The following OR11A1 variants were observed in gnomAD, a reference collection of about 807,000 sequenced individuals.
OR11A1 encodes olfactory receptor 11A1.
For synonymous variants in OR11A1, 158 were observed against 152.2 expected (o/e 1.04, Z -0.28); for missense variants, 380 against 378.2 (o/e 1.00, Z -0.04).
rs376564471 is a variant in OR11A1 at position 29,429,215 on chromosome 6, T to G, written c.-139-255A>C. Among the ~76,000 whole-genome samples, 58 of 152,318 alleles carry G rather than the reference T, an allele frequency of 3.8e-4. 1 individual carries two copies. The South Asian group carries it at 9.7e-3, about 26-fold the overall frequency. On this transcript the variant is annotated intron_variant, in intron 3 of 4. Transcript: ENST00000377149. ...CTCAGGGACCACAGTGCTGGGAGCC[T>G]TCACGGCACACTGTTTTGTAGTTTT...
In OR11A1 at chr6:29,448,022, T is replaced by C. The variant is rs973903663; in HGVS notation, c.-389+8965A>G. Among the ~76,000 whole-genome samples the C allele has an allele frequency of 3.1e-3, 442 of 142,520 alleles. 3 individuals carry two copies. Among genetic ancestry groups the C allele is most frequent in the African/African-American group, 0.011 (413 of 38,314 alleles). 93.5% of individuals were successfully genotyped at this position (142,520 alleles called of 152,430 possible). On this transcript the variant is annotated intron_variant, in intron 1 of 4. Transcript: ENST00000377149. ...AACATGACCCTTTCTTTTTTTTTTT[T>C]TTTTTTTTTTTTGAGAAGGAGTCTA...
intron 1 of OR11A1, among the ~76,000 whole-genome samples, chr6:29,435,754 C>G (rs2151374129): frequency 6.6e-6 from 1 of 152,248 alleles, no homozygotes; most frequent in East Asian, 1.9e-4. Flanking sequence ...CATAGTCTTA[C>G]CATTTAGATT....
intron 1 of OR11A1, among the ~76,000 whole-genome samples, chr6:29,435,501 C>T (rs1453101461): frequency 6.6e-6 from 1 of 152,162 alleles, no homozygotes; most frequent in Non-Finnish European, 1.5e-5. Context: ...TAAGCTCGAG[C>T]TCAGTGATGT....
chr6:29,433,460 G>A (rs1049492153), intron 1 of OR11A1, among the ~76,000 whole-genome samples: 8 of 152,074 alleles, frequency 5.3e-5, no homozygotes, highest in African/African-American at 1.9e-4. Context: ...ACTTATTTCA[G>A]TTAATATAAG....
chr6:29,437,204 T>C (rs893498720), intron 1 of OR11A1, among the ~76,000 whole-genome samples: 1 of 152,164 alleles, frequency 6.6e-6, no homozygotes, highest in African/African-American at 2.4e-5. Flanking sequence ...ACCCAAAGGA[T>C]TATAAATCAT....
intron 1 of OR11A1, among the ~76,000 whole-genome samples, chr6:29,444,459 C>G (rs944517611): frequency 2.0e-5 from 3 of 152,206 alleles, no homozygotes; most frequent in Non-Finnish European, 4.4e-5. Flanking sequence ...CTAGAGCAAA[C>G]TCTTTGCATC....
intron 1 of OR11A1, among the ~76,000 whole-genome samples, chr6:29,432,810 A>G (rs781483553): frequency 1.4e-4 from 22 of 151,934 alleles, no homozygotes; most frequent in Admixed American, 3.3e-4. Flanking sequence ...TCAAACTCAG[A>G]CCCTAACTTC....
rs531468327 is a variant in OR11A1, at chr6:29,427,536, C to G, written c.106G>C (p.Val36Leu). Reference sequence around the variant, plus strand: ...TTCCCTATGATGATGAAGACATAGACAGCAGTGAATACAATAAAAAACAAG... The same window carrying G: ...TTCCCTATGATGATGAAGACATAGAGAGCAGTGAATACAATAAAAAACAAG... The part of the protein sequence containing the change: ...HFLFFIVFTA[V>L]YVFIIIGNML... The change falls in exon 5 of 5, where the codon GTC (valine) becomes CTC (leucine). Residue 36 changes from valine (V) to leucine (L), a missense_variant. Physicochemically the swap from Val to Leu is conservative, Grantham distance 32. Coordinates refer to ENST00000377149, the MANE Select transcript of OR11A1 (RefSeq NM_001394828.1). 4 of 1,613,000 alleles carry G rather than the reference C, an allele frequency of 2.5e-6. No individual in the cohort carries two copies. In the African/African-American group the frequency reaches 4.0e-5, roughly 16 times the overall value.
chr6:29,448,467 A>G (rs1785006793), intron 1 of OR11A1, among the ~76,000 whole-genome samples: 1 of 152,148 alleles, frequency 6.6e-6, no homozygotes, highest in Non-Finnish European at 1.5e-5. Flanking sequence ...CCACATTTGG[A>G]TGCCCCATAA....
At chr6:29,432,126 A>C in intron 1 of OR11A1, 139 bp from the exon 2 acceptor site, 1 of 446,758 alleles carries the variant, frequency 2.2e-6, no homozygotes, top group South Asian at 9.4e-5. Context: ...TCCCTCTATC[A>C]CATGGGAGGG....
At chr6:29,439,755 G>T (rs1783945384) in intron 1 of OR11A1, 2 of 532,424 alleles carry the variant, frequency 3.8e-6, no homozygotes, top group Non-Finnish European at 6.6e-6. Flanking sequence ...AGAATGATAG[G>T]CACTATCAGG....
rs768457189 is a variant in OR11A1, at chr6:29,453,524, G to A, written c.-389+3463C>T. Among the ~76,000 whole-genome samples the A allele has an allele frequency of 3.9e-5, 6 of 152,052 alleles. No homozygotes were observed. Among genetic ancestry groups the A allele is most frequent in the Non-Finnish European group, 8.8e-5 (6 of 68,002 alleles). ...AAATCAACAATTACACTATTAAAGAGGGTTGAGATGATTTGGAACAAAGAT... is the reference window on the plus strand; with the variant it reads ...AAATCAACAATTACACTATTAAAGAAGGTTGAGATGATTTGGAACAAAGAT... On this transcript the variant is annotated intron_variant, in intron 1 of 4. Transcript: ENST00000377149. This position sits in a 1 kb window ranked among gnomAD's most constrained non-coding sequence, Gnocchi z 4.5.
chr6:29,435,800 T>C (rs544313230), intron 1 of OR11A1, among the ~76,000 whole-genome samples: 1 of 152,360 alleles, frequency 6.6e-6, no homozygotes, highest in South Asian at 2.1e-4. Flanking sequence ...AAGTAAATAT[T>C]ATCCAGGGCA....
At chr6:29,433,413 G>C (rs1783379011) in intron 1 of OR11A1, among the ~76,000 whole-genome samples, 1 of 152,074 alleles carries the variant, frequency 6.6e-6, no homozygotes, top group Admixed American at 6.5e-5. Context: ...ATTTCATGTA[G>C]AAGGGAGACC....
chr6:29,431,734 CT>C (rs1783241949), intron 2 of OR11A1, 129 bp downstream of exon 2: 1 of 349,648 alleles, frequency 2.9e-6, no homozygotes, highest in Non-Finnish European at 4.0e-6. Flanking sequence ...TAATAAAAGA[CT>C]TTTTGACTCT....
intron 1 of OR11A1, among the ~76,000 whole-genome samples, chr6:29,438,377 CTT>C (rs1279125132): frequency 6.6e-6 from 1 of 152,060 alleles, no homozygotes; most frequent in East Asian, 1.9e-4. Flanking sequence ...GTTTATTTCT[CTT>C]TTATATTATT....
At chr6:29,434,913 G>A (rs1244644591) in intron 1 of OR11A1, among the ~76,000 whole-genome samples, 3 of 152,178 alleles carry the variant, frequency 2.0e-5, no homozygotes, top group Non-Finnish European at 2.9e-5. Context: ...TGCAAGACGT[G>A]AAAAGATTAT....
In OR11A1 at chr6:29,428,296, G is replaced by A. The variant is rs529900532; in HGVS notation, c.-91-564C>T. On this transcript the variant is annotated intron_variant, in intron 4 of 4. Transcript: ENST00000377149. ...AGTTTCATCAAGTCATTCAGGAGTTGGTAGTGAAAATGTGGTAAATGGTAA... is the reference window on the plus strand; with the variant it reads ...AGTTTCATCAAGTCATTCAGGAGTTAGTAGTGAAAATGTGGTAAATGGTAA... 3.6e-5 allele frequency: 35 copies of A among 985,172 alleles called. No homozygotes were observed. In the African/African-American group the frequency reaches 5.9e-4, roughly 17 times the overall value. The allele number at this position is 985,172 out of a possible 1,614,324, so 61.0% of individuals were successfully genotyped here.
chr6:29,454,439 G>C lies in OR11A1; in HGVS notation c.-389+2548C>G, dbSNP rs189600513. ...AAACACAATACTTACAAGTCTACTA[G>C]AATGACTATAATAAGAAACTGATGG... On this transcript the variant is annotated intron_variant, in intron 1 of 4. Coordinates refer to ENST00000377149, the MANE Select transcript of OR11A1 (RefSeq NM_001394828.1). 1.4e-3 allele frequency among the ~76,000 whole-genome samples: 213 copies of C among 152,170 alleles called. 5 individuals carry two copies. In the East Asian group the frequency reaches 0.021, roughly 15 times the overall value.
Sources: gnomAD v4.1 joint callset for allele counts (sites outside exome capture counted in the v4.1 genomes callset) on GRCh38, gnomAD v4.1.1 for gene constraint, Gnocchi (gnomAD v3.1) non-coding constraint, MANE v1.5 for transcripts, NCBI Gene and HGNC (gene_info 2026-07-23, HGNC 2026-07-21) for gene names.